The following ADAM23 variants were observed in gnomAD, a reference collection of about 807,000 sequenced individuals.
ADAM23 encodes the protein disintegrin and metalloproteinase domain-containing protein 23.
In ADAM23, 33 loss-of-function variants were observed where a neutral mutation model predicts 120.1. The observed-to-expected ratio is 0.27, with a 90% CI of 0.21 to 0.37. The LOEUF is 0.37. Among genes scored for constraint, ADAM23 ranks in the 10% least tolerant of loss-of-function variants. The pLI, the probability that ADAM23 is intolerant of heterozygous loss-of-function variation, is 1.00. For missense variants in ADAM23, 862 were observed against 1,058.2 expected (o/e 0.81, Z 2.57); for synonymous variants, 367 against 375.2 (o/e 0.98, Z 0.25).
chr2:206,452,456 T>C (rs960116928), intron 2 of ADAM23, among the ~76,000 whole-genome samples: 1 of 152,176 alleles, frequency 6.6e-6, no homozygotes, highest in Admixed American at 6.5e-5. Context: ...TCTTCACTTA[T>C]TCTCAGGCTT....
intron 3 of ADAM23, among the ~76,000 whole-genome samples, chr2:206,508,035 C>T (rs1474456620): frequency 1.3e-5 from 2 of 151,970 alleles, no homozygotes; most frequent in East Asian, 3.9e-4. Context: ...TTGCCTAGTT[C>T]ACTTTTTTTT....
rs745735659 is a variant in ADAM23 at position 206,570,772 on chromosome 2, C to T, written c.1527C>T (p.Tyr509=). The change falls in exon 16 of 26, where the codon TAC becomes TAT. Residue 509 remains tyrosine, a synonymous_variant. Coordinates refer to ENST00000264377, the MANE Select transcript of ADAM23 (RefSeq NM_003812.4). The part of the protein sequence containing the change: ...LFEPTECGNG[Y]VEAGEECDCG... ...AGCCCACGGAATGTGGAAATGGATA[C>T]GTGGAAGCTGGGGAGGAGTGTGATT... The T allele has an allele frequency of 1.9e-5, 30 of 1,613,688 alleles. No homozygotes were observed. The East Asian group carries it at 3.1e-4, about 17-fold the overall frequency.
At chr2:206,604,200 A>G (rs1424299858) in intron 24 of ADAM23, among the ~76,000 whole-genome samples, 1 of 152,144 alleles carries the variant, frequency 6.6e-6, no homozygotes, top group African/African-American at 2.4e-5. Context: ...CGGGAGGCAG[A>G]GGTTGCAGTG....
chr2:206,600,418 A>G (rs932505123), intron 24 of ADAM23, among the ~76,000 whole-genome samples: 5 of 152,178 alleles, frequency 3.3e-5, no homozygotes, highest in African/African-American at 1.2e-4. Context: ...TTTAATTTCA[A>G]TGTGCTTCCA....
At chr2:206,565,974 G>A (rs939554369) in intron 14 of ADAM23, among the ~76,000 whole-genome samples, 4 of 152,040 alleles carry the variant, frequency 2.6e-5, no homozygotes, top group Non-Finnish European at 4.4e-5. Flanking sequence ...ACTTTAGAAC[G>A]CATTTCTAGA....
chr2:206,563,856 A>G (rs944353933), intron 13 of ADAM23, among the ~76,000 whole-genome samples: 8 of 151,454 alleles, frequency 5.3e-5, no homozygotes, highest in Non-Finnish European at 4.4e-5. Context: ...CAGCCTCCCG[A>G]GTAGCCAGGA....
chr2:206,477,365 T>C (rs1695794843), intron 2 of ADAM23, among the ~76,000 whole-genome samples: 1 of 152,214 alleles, frequency 6.6e-6, no homozygotes, highest in African/African-American at 2.4e-5. Context: ...GTAATTTCCC[T>C]GTGCCAGATT....
At chr2:206,579,924 G>T (rs1267675999) in intron 18 of ADAM23, among the ~76,000 whole-genome samples, 1 of 150,674 alleles carries the variant, frequency 6.6e-6, no homozygotes, top group Non-Finnish European at 1.5e-5. Context: ...TTAGTATAGA[G>T]GTTTTTTGAC....
At chr2:206,613,502 C>T (rs919951065) in intron 25 of ADAM23, among the ~76,000 whole-genome samples, 1 of 152,188 alleles carries the variant, frequency 6.6e-6, no homozygotes. Flanking sequence ...CCAATTTGCT[C>T]TACTTCTATA....
chr2:206,524,703 TACTC>T (rs1190032711), intron 3 of ADAM23, among the ~76,000 whole-genome samples: 1 of 152,170 alleles, frequency 6.6e-6, no homozygotes, highest in South Asian at 2.1e-4. Flanking sequence ...TCGTGAGACT[TACTC>T]ACTACCATGA....
At chr2:206,553,183 G>A (rs1319968617) in intron 9 of ADAM23, among the ~76,000 whole-genome samples, 1 of 152,050 alleles carries the variant, frequency 6.6e-6, no homozygotes, top group Admixed American at 6.6e-5. Flanking sequence ...TTCGAGACCA[G>A]CCTGGCCAAC....
intron 18 of ADAM23, among the ~76,000 whole-genome samples, chr2:206,575,999 T>G (rs1698105540): frequency 6.6e-6 from 1 of 152,158 alleles, no homozygotes; most frequent in South Asian, 2.1e-4. Flanking sequence ...TTGATATATA[T>G]TATTTGAAAT....
In ADAM23 at chr2:206,567,319, A is replaced by G; in HGVS notation, c.1491A>G (p.Thr497=). ...GGGACLFNRP[T]KLFEPTECGN... is the part of the protein sequence containing the mutation. ...GAGCCTGCCTTTTCAACAGGCCAAC[A>G]AAGGTTAGTAACTTAGAAAGCATAC... is the stretch of plus-strand genomic sequence containing the variant. The change falls in exon 15 of 26, where the codon ACA becomes ACG. Residue 497 remains threonine (T), a synonymous_variant. Transcript: ENST00000264377. 3 of 1,608,916 alleles carry G rather than the reference A, an allele frequency of 1.9e-6. No homozygotes were observed. Among genetic ancestry groups the G allele is most frequent in the Non-Finnish European group, 2.6e-6 (3 of 1,175,368 alleles).
Position 206,477,901 on chromosome 2 carries a change from T to TATATATACAC in ADAM23, c.433-3324_433-3323insCACATATATA, listed in dbSNP as rs1325732849. Among the ~76,000 whole-genome samples the TATATATACAC allele has an allele frequency of 6.1e-3, 746 of 122,226 alleles. 11 individuals carry two copies. Among genetic ancestry groups the TATATATACAC allele is most frequent in the South Asian group, 0.023 (90 of 3,914 alleles). The allele number at this position is 122,226 out of a possible 152,430, so 80.2% of individuals were successfully genotyped here. On this transcript the variant is annotated intron_variant, in intron 2 of 25. Coordinates refer to ENST00000264377, the MANE Select transcript of ADAM23 (RefSeq NM_003812.4). ...CTGTTAAAAAAAAAAAAAAAAAATA[T>TATATATACAC]ATATATATATATATATATATAAAAC...
At chr2:206,533,156 T>C (rs1295553907) in intron 4 of ADAM23, among the ~76,000 whole-genome samples, 3 of 152,192 alleles carry the variant, frequency 2.0e-5, no homozygotes, top group Non-Finnish European at 4.4e-5. Flanking sequence ...AAACTTATTT[T>C]CACATAATGC....
chr2:206,604,303 G>A (rs1698692644), intron 24 of ADAM23, among the ~76,000 whole-genome samples: 1 of 152,070 alleles, frequency 6.6e-6, no homozygotes, highest in Non-Finnish European at 1.5e-5. Context: ...ATAAAATAAT[G>A]TATATCAGTT....
chr2:206,603,335 C>G (rs1698674186), intron 24 of ADAM23, among the ~76,000 whole-genome samples: 1 of 152,018 alleles, frequency 6.6e-6, no homozygotes, highest in South Asian at 2.1e-4. Flanking sequence ...TCCTACTTGC[C>G]AAAACAAAGT....
At chr2:206,477,897 A>ATATATATATAT (rs1553548673) in intron 2 of ADAM23, among the ~76,000 whole-genome samples, 27 of 93,562 alleles carry the variant, frequency 2.9e-4, no homozygotes, top group Non-Finnish European at 3.9e-4. Context: ...AAAAAAAAAA[A>ATATATATATAT]ATATATATAT....
At chr2:206,505,255 CACTAATAATCA>C (rs1247480559) in intron 3 of ADAM23, among the ~76,000 whole-genome samples, 1 of 152,134 alleles carries the variant, frequency 6.6e-6, no homozygotes, top group Non-Finnish European at 1.5e-5. Flanking sequence ...GGCAAAATAA[CACTAATAATCA>C]ACTTAATCAC....
Sources: gnomAD v4.1 joint callset for allele counts (sites outside exome capture counted in the v4.1 genomes callset) on GRCh38, gnomAD v4.1.1 for gene constraint, MANE v1.5 for transcripts, NCBI Gene and HGNC (gene_info 2026-07-23, HGNC 2026-07-21) for gene names.